The following ITGB6 variants were observed in gnomAD, a reference collection of about 807,000 sequenced individuals.
ITGB6 encodes the protein integrin subunit beta 6, also known as integrin beta-6.
In ITGB6, 80 loss-of-function variants were observed where a neutral mutation model predicts 84.5. The ratio of observed to expected loss-of-function variants is 0.95; its 90% CI spans 0.79 to 1.14. The LOEUF is 1.14. Among genes scored for constraint, ITGB6 ranks in the 50% most tolerant of loss-of-function variants. The pLI, the probability that ITGB6 is intolerant of heterozygous loss-of-function variation, is 0.00. For synonymous variants in ITGB6, 383 were observed against 354.9 expected (o/e 1.08, Z -0.89); for missense variants, 1,006 against 968.0 (o/e 1.04, Z -0.52).
chr2:160,190,677 A>G (rs1377043350), intron 4 of ITGB6, among the ~76,000 whole-genome samples: 1 of 152,230 alleles, frequency 6.6e-6, no homozygotes, highest in African/African-American at 2.4e-5. Flanking sequence ...AAATAAATGC[A>G]TGAATAAAGT....
chr2:160,149,055 G>C (rs1684303005), intron 7 of ITGB6, among the ~76,000 whole-genome samples: 2 of 152,258 alleles, frequency 1.3e-5, no homozygotes, highest in Admixed American at 1.3e-4. Context: ...AACTTCTGCA[G>C]ACTTAAACGT....
intron 1 of ITGB6, among the ~76,000 whole-genome samples, 155 bp downstream of exon 1, chr2:160,199,848 G>A (rs955832847): frequency 3.9e-5 from 6 of 152,172 alleles, no homozygotes; most frequent in East Asian, 1.9e-4. Flanking sequence ...GGAACTGCCC[G>A]GTGTTTGTCT....
At chr2:160,102,796 AC>A (rs80279204) in intron 14 of ITGB6, among the ~76,000 whole-genome samples, 3 of 127,186 alleles carry the variant, frequency 2.4e-5, no homozygotes, top group South Asian at 2.3e-4. Flanking sequence ...GGCTATGGCA[AC>A]AGTCTGGGTC....
intron 7 of ITGB6, among the ~76,000 whole-genome samples, chr2:160,145,133 T>C (rs899054383): frequency 1.1e-4 from 17 of 152,186 alleles, no homozygotes; most frequent in Non-Finnish European, 2.2e-4. Flanking sequence ...TAAACATGTT[T>C]AATGTTAGAA....
chr2:160,116,188 G>A (rs571750539), intron 12 of ITGB6, among the ~76,000 whole-genome samples: 2 of 151,714 alleles, frequency 1.3e-5, no homozygotes, highest in South Asian at 4.2e-4. Context: ...CTCGAGAAGA[G>A]CAACTCCAAG....
chr2:160,115,369 T>C (rs910935402), intron 12 of ITGB6, among the ~76,000 whole-genome samples: 12 of 152,242 alleles, frequency 7.9e-5, no homozygotes, highest in African/African-American at 2.9e-4. Context: ...ACCACTGTTC[T>C]GCAGCCACCG....
chr2:160,114,772 C>T (rs4664312), intron 12 of ITGB6, among the ~76,000 whole-genome samples: 101,494 of 152,016 alleles, frequency 0.67, 34,250 homozygotes, highest in Admixed American at 0.74. Context: ...GGGTGACAGA[C>T]GGCACCTGGA....
chr2:160,188,371 C>T (rs1685988606), intron 4 of ITGB6, among the ~76,000 whole-genome samples: 1 of 152,040 alleles, frequency 6.6e-6, no homozygotes, highest in African/African-American at 2.4e-5. Flanking sequence ...TGCTATTTAC[C>T]ACCTTAATGG....
rs879852408 is a variant in ITGB6 at position 160,133,375 on chromosome 2, C to T, written c.1660+4059G>A. ...AAGAGCTAACTATCCTAAATTTATA[C>T]GCACCCAGTACAGGAGCACCTAGAT... On this transcript the variant is annotated intron_variant, in intron 10 of 14. Transcript: ENST00000283249. Among the ~76,000 whole-genome samples, 67 of 152,138 alleles carry T rather than the reference C, an allele frequency of 4.4e-4. 1 individual carries two copies. The Middle Eastern group carries it at 0.014, about 31-fold the overall frequency.
chr2:160,199,181 C>A lies in ITGB6; in HGVS notation c.139G>T (p.Glu47Ter), dbSNP rs1686456511. 6.2e-7 allele frequency: 1 copy of A among 1,613,548 alleles called. No homozygotes were observed. Among genetic ancestry groups the A allele is most frequent in the South Asian group, 1.1e-5 (1 of 91,062 alleles). Reference sequence around the variant, plus strand: ...CACATTGAGGTCATTTATTTTACCTCCTGAGCACACCAGGCACACTGAGGT... The same window carrying A: ...CACATTGAGGTCATTTATTTTACCTACTGAGCACACCAGGCACACTGAGGT... The part of the protein sequence containing the change: ...IGPQCAWCAQ[E>*]NFTHPSGVGE... Residue 47 changes from glutamate to a stop codon, truncating the protein, a stop_gained and splice_region_variant, in exon 2 of 15, where the codon GAG (glutamate) becomes TAG (stop). Transcript: ENST00000283249. LOFTEE classifies it high-confidence loss of function.
chr2:160,102,775 C>T (rs4665155), intron 14 of ITGB6, among the ~76,000 whole-genome samples: 119,962 of 152,120 alleles, frequency 0.79, 48,263 homozygotes, highest in African/African-American at 0.95. Context: ...CTTTCCAAGG[C>T]TGATCACACA....
chr2:160,118,798 A>T (rs1367690523), intron 12 of ITGB6, among the ~76,000 whole-genome samples: 1 of 152,162 alleles, frequency 6.6e-6, no homozygotes, highest in Non-Finnish European at 1.5e-5. Context: ...CCTTAAGCTG[A>T]TAAGCAACTT....
At chr2:160,117,560 C>A (rs1340852537) in intron 12 of ITGB6, among the ~76,000 whole-genome samples, 1 of 152,090 alleles carries the variant, frequency 6.6e-6, no homozygotes, top group Non-Finnish European at 1.5e-5. Context: ...CAAGAGAAAG[C>A]AGGAAAGATC....
intron 12 of ITGB6, 148 bp from the exon 13 acceptor site, chr2:160,112,347 C>G (rs1471635745): frequency 8.2e-6 from 6 of 730,822 alleles, no homozygotes; most frequent in Admixed American, 6.9e-5. Flanking sequence ...TTTTTTTTCT[C>G]ATGAAGTGAG....
chr2:160,121,787 A>AG (rs1278867607), intron 12 of ITGB6, among the ~76,000 whole-genome samples: 1 of 151,052 alleles, frequency 6.6e-6, no homozygotes, highest in Admixed American at 6.6e-5. Context: ...GAAAAAAAAA[A>AG]AGACTCTCAG....
chr2:160,190,320 G>A (rs966438043), intron 4 of ITGB6, among the ~76,000 whole-genome samples: 15 of 151,876 alleles, frequency 9.9e-5, no homozygotes, highest in East Asian at 5.8e-4. Flanking sequence ...AAACCTGCAC[G>A]TTGTGCACAT....
intron 2 of ITGB6, among the ~76,000 whole-genome samples, chr2:160,196,641 C>T (rs538923026): frequency 6.6e-6 from 1 of 152,122 alleles, no homozygotes; most frequent in South Asian, 2.1e-4. Flanking sequence ...CTGGAGTCTC[C>T]TTTCAGTTAT....
At chr2:160,195,722 T>C in intron 3 of ITGB6, 107 bp from the exon 4 acceptor site, 1 of 1,204,952 alleles carries the variant, frequency 8.3e-7, no homozygotes, top group Non-Finnish European at 1.2e-6. Context: ...AAGAACTTAC[T>C]GAAATACATA....
chr2:160,155,001 C>A (rs1684570959), intron 7 of ITGB6, among the ~76,000 whole-genome samples: 1 of 152,136 alleles, frequency 6.6e-6, no homozygotes, highest in Admixed American at 6.6e-5. Flanking sequence ...CTCATGAGAT[C>A]TGGTTGTTTA....
Sources: allele counts gnomAD v4.1 joint callset (sites outside exome capture counted in the v4.1 genomes callset), GRCh38; gene constraint gnomAD v4.1.1; transcripts MANE v1.5; gene names NCBI Gene and HGNC (gene_info 2026-07-23, HGNC 2026-07-21).